ZBTB40: variants seen among roughly 807,000 people sequenced by gnomAD.
ZBTB40 encodes zinc finger and BTB domain containing 40.
Under a neutral mutation model 117.5 loss-of-function variants are expected in ZBTB40, and 60 were observed. The ratio of observed to expected loss-of-function variants is 0.51; its 90% CI spans 0.41 to 0.63. The LOEUF (loss-of-function observed/expected upper bound fraction) is 0.63. ZBTB40 is among the 30% of genes least tolerant of loss of function. ZBTB40 has a pLI of 0.00. For synonymous variants in ZBTB40, 525 were observed against 577.1 expected (o/e 0.91, Z 1.29); for missense variants, 1,287 against 1,498.5 (o/e 0.86, Z 2.33).
At chr1:22,508,501 T>A in intron 7 of ZBTB40, 29 bp from the exon 8 acceptor site, 1 of 1,613,568 alleles carries the variant, frequency 6.2e-7, no homozygotes, top group East Asian at 2.2e-5. Context: ...GAGAGTCTCT[T>A]ACGTGAGTGT....
At chr1:22,471,921 T>C (rs1372718578) in intron 1 of ZBTB40, among the ~76,000 whole-genome samples, 1 of 152,132 alleles carries the variant, frequency 6.6e-6, no homozygotes, top group Non-Finnish European at 1.5e-5. Context: ...GAAGCAGCCT[T>C]TGTAGTGTCA....
In ZBTB40 at chr1:22,506,102, G is replaced by A; in HGVS notation, c.1221G>A (p.Leu407=). The change falls in exon 6 of 18, where the codon TTG becomes TTA. Residue 407 remains leucine (L), a synonymous_variant. Coordinates refer to ENST00000375647, the MANE Select transcript of ZBTB40 (RefSeq NM_014870.4). ...GRTPKETIEN[L]LHRMTEEKTL... Reference sequence around the variant, plus strand: ...CACCCAAGGAGACAATAGAAAATTTGTTGCACAGAATGACTGAAGAGAAGA... The same window carrying A: ...CACCCAAGGAGACAATAGAAAATTTATTGCACAGAATGACTGAAGAGAAGA... 6.2e-7 allele frequency: 1 copy of A among 1,614,200 alleles called. No homozygotes were observed. Among genetic ancestry groups the A allele is most frequent in the Non-Finnish European group, 8.5e-7 (1 of 1,180,028 alleles).
Position 22,511,966 on chromosome 1 carries a change from C to T in ZBTB40, c.2293C>T (p.Gln765Ter), listed in dbSNP as rs1381783925. ...MKRCRVAKSK[Q>*]VQCKECSETK... Reference sequence around the variant, plus strand: ...GCGCTGCCGGGTGGCTAAGAGCAAACAGGTGCAGTGTAAGGAGTGCAGTGA... The same window carrying T: ...GCGCTGCCGGGTGGCTAAGAGCAAATAGGTGCAGTGTAAGGAGTGCAGTGA... Residue 765 changes from glutamine (Q) to a stop codon, truncating the protein, a stop_gained, in exon 11 of 18, where the codon CAG becomes TAG. Coordinates refer to ENST00000375647, the MANE Select transcript of ZBTB40 (RefSeq NM_014870.4). LOFTEE classifies it high-confidence loss of function. The T allele has an allele frequency of 1.2e-6, 2 of 1,614,068 alleles. No individual in the cohort carries two copies. Among genetic ancestry groups the T allele is most frequent in the South Asian group, 1.1e-5 (1 of 91,088 alleles).
At chr1:22,463,221 C>T (rs1385267974) in intron 1 of ZBTB40, among the ~76,000 whole-genome samples, 9 of 152,252 alleles carry the variant, frequency 5.9e-5, no homozygotes, top group East Asian at 3.9e-4. Flanking sequence ...CTAGAGCCTG[C>T]GCGCCACACC....
chr1:22,511,453 C>CTG, intron 10 of ZBTB40, 106 bp downstream of exon 10: 1 of 1,461,150 alleles, frequency 6.8e-7, no homozygotes. Flanking sequence ...CCTTAAGTTA[C>CTG]GTATTCATTT....
chr1:22,433,466 A>AAAATATGG, intron 1 of ZBTB40, among the ~76,000 whole-genome samples: 1 of 135,818 alleles, frequency 7.4e-6, no homozygotes, highest in South Asian at 2.5e-4. Flanking sequence ...AAGACAGCTA[A>AAAATATGG]AAATATGGTA....
rs192040954 is a variant in ZBTB40, at chr1:22,441,827, T to C, written c.-70+12813T>C. 2.0e-5 allele frequency among the ~76,000 whole-genome samples: 3 copies of C among 152,312 alleles called. No individual in the cohort carries two copies. In the East Asian group the frequency reaches 5.8e-4, roughly 29 times the overall value. On this transcript the variant is annotated intron_variant, in intron 1 of 8. Coordinates refer to the ZBTB40 transcript ENST00000650433. ...GCTAGCTTTGAGTTTAGTTTGTTCT[T>C]CTTTTTCTAGTTCCTAAAGTTGTGA...
intron 4 of ZBTB40, 125 bp downstream of exon 4, chr1:22,501,809 T>C (rs1638945914): frequency 1.2e-5 from 13 of 1,103,330 alleles, no homozygotes; most frequent in Non-Finnish European, 1.7e-5. Context: ...AAGTTTCACA[T>C]GTAAATTCCA....
chr1:22,430,015 A>G (rs1393085872), intron 1 of ZBTB40, among the ~76,000 whole-genome samples: 1 of 152,186 alleles, frequency 6.6e-6, no homozygotes, highest in Non-Finnish European at 1.5e-5. Context: ...TAAAAAAAGT[A>G]TGATGTCTGC....
At chr1:22,522,516 C>G (rs35474829) in intron 16 of ZBTB40, 53 bp downstream of exon 16, 34,657 of 1,554,994 alleles carry the variant, frequency 0.022, 499 homozygotes, top group Non-Finnish European at 0.027. Flanking sequence ...CTGAATCTCC[C>G]CTCCACCACT....
At position 22,431,384 on chromosome 1, in the gene ZBTB40, G is replaced by GTATA. The variant is rs59021263; in HGVS notation, c.-70+2392_-70+2395dup. Among the ~76,000 whole-genome samples, 845 of 119,628 alleles carry GTATA rather than the reference G, an allele frequency of 7.1e-3. 32 individuals are homozygous for GTATA. Among genetic ancestry groups the GTATA allele is most frequent in the African/African-American group, 0.025 (684 of 26,918 alleles). 78.5% of individuals were successfully genotyped at this position (119,628 alleles called of 152,430 possible). Reference sequence around the variant, plus strand: ...ATTTTGTGTGTGTGTGTGTGTGTGTGTATATATATATATATATATATATAT... The same window carrying GTATA: ...ATTTTGTGTGTGTGTGTGTGTGTGTGTATATATATATATATATATATATATATAT... On this transcript the variant is annotated intron_variant, in intron 1 of 8. Transcript: ENST00000650433.
intron 5 of ZBTB40, among the ~76,000 whole-genome samples, chr1:22,504,915 A>G (rs1193859699): frequency 6.6e-6 from 1 of 152,214 alleles, no homozygotes; most frequent in Admixed American, 6.5e-5. Context: ...TGAAATCAGT[A>G]TGGTGTTTAG....
Position 22,530,537 on chromosome 1 carries a change from T to C in ZBTB40, c.*4141T>C, listed in dbSNP as rs1639802874. On this transcript the variant is annotated 3_prime_UTR_variant, in exon 18 of 18. Transcript: ENST00000375647. ...TAAGATTGCTTCCAAATTGGGGGAA[T>C]GTGTGTCATTTCCTTTACCAAGGCC... 6.6e-6 allele frequency: 1 copy of C among 152,322 alleles called. No individual in the cohort carries two copies. Among genetic ancestry groups the C allele is most frequent in the African/African-American group, 2.4e-5 (1 of 41,448 alleles). The allele number at this position is 152,322 out of a possible 1,614,324, so 9.4% of individuals were successfully genotyped here.
At chr1:22,489,667 A>G (rs953279366) in intron 1 of ZBTB40, among the ~76,000 whole-genome samples, 1 of 152,238 alleles carries the variant, frequency 6.6e-6, no homozygotes, top group African/African-American at 2.4e-5. Context: ...GACCGTCCAT[A>G]CAAAGCATTA....
chr1:22,507,542 C>G (rs1435511515), intron 6 of ZBTB40, among the ~76,000 whole-genome samples: 1 of 152,128 alleles, frequency 6.6e-6, no homozygotes, highest in Admixed American at 6.5e-5. Context: ...TAAATATGAC[C>G]TCTTAAAAGA....
At chr1:22,522,095 C>T (rs1221186558) in intron 15 of ZBTB40, among the ~76,000 whole-genome samples, 1 of 152,236 alleles carries the variant, frequency 6.6e-6, no homozygotes, top group Non-Finnish European at 1.5e-5. Flanking sequence ...CTGTCAGTTA[C>T]AGAGTGTTTC....
chr1:22,511,831 C>A lies in ZBTB40; in HGVS notation c.2158C>A (p.Gln720Lys), dbSNP rs1283272850. ...AGGAGAGACTGGTTCCTTGCCAGGA[C>A]AGCAAGAGAAAGAGGCTTCAGCCTC... ...DQGETGSLPG[Q>K]QEKEASASPD... is the part of the protein sequence containing the mutation. Residue 720 changes from glutamine (Q) to lysine (K), a missense_variant, in exon 11 of 18, where the codon CAG (glutamine) becomes AAG (lysine). By Grantham distance (53) the Gln-to-Lys change is moderately conservative. Around this residue, in one of 2 missense-constraint regions of ZBTB40, gnomAD observed 870 missense variants for 934.4 expected, o/e 0.93. Transcript: ENST00000375647. 2 of 1,614,152 alleles carry A rather than the reference C, an allele frequency of 1.2e-6. No individual in the cohort carries two copies. The highest frequency in any genetic ancestry group is 1.1e-5 in the South Asian group (1 of 91,086).
At chr1:22,439,263 G>A (rs938569562) in intron 1 of ZBTB40, among the ~76,000 whole-genome samples, 9 of 152,120 alleles carry the variant, frequency 5.9e-5, no homozygotes, top group African/African-American at 2.2e-4. Context: ...TCTGATATAT[G>A]ATTTATAAAT....
At chr1:22,478,414 A>AT (rs1557494528) in intron 1 of ZBTB40, among the ~76,000 whole-genome samples, 1 of 151,946 alleles carries the variant, frequency 6.6e-6, no homozygotes, top group Admixed American at 6.6e-5. Context: ...CGTCCGGCTA[A>AT]TTTTTTATAT....
Sources: gnomAD v4.1 joint callset for allele counts (sites outside exome capture counted in the v4.1 genomes callset) on GRCh38, gnomAD v4.1.1 for gene constraint, gnomAD v4.1.1 regional missense constraint, MANE v1.5 for transcripts, NCBI Gene and HGNC (gene_info 2026-07-23, HGNC 2026-07-21) for gene names.